The following CASZ1 variants were observed in gnomAD, a reference collection of about 807,000 sequenced individuals.
The protein encoded by CASZ1 is castor zinc finger 1.
In CASZ1, 28 loss-of-function variants were observed where a neutral mutation model predicts 135.2. The ratio of observed to expected loss-of-function variants is 0.21; its 90% CI spans 0.15 to 0.28. The LOEUF (loss-of-function observed/expected upper bound fraction) is 0.28, where lower values mean the gene tolerates loss of function less well. Among genes scored for constraint, CASZ1 ranks in the 10% least tolerant of loss-of-function variants. The pLI, the probability that CASZ1 is intolerant of heterozygous loss-of-function variation, is 1.00. For missense variants in CASZ1, 2,161 were observed against 2,453.3 expected, an observed-to-expected ratio of 0.88 and a Z score of 2.52; for synonymous variants, 1,068 against 1,073.4, an observed-to-expected ratio of 0.99 and a Z score of 0.10.
Position 10,694,029 on chromosome 1 carries a change from G to A in CASZ1, c.-23-117C>T, listed in dbSNP as rs1159464854. On this transcript the variant is annotated intron_variant, in intron 3 of 20. Transcript: ENST00000377022. This position sits in a 1 kb window ranked among gnomAD's most constrained non-coding sequence, Gnocchi z 6.6. ...CGCCCCGCAGGAGCGGCCCGTCCCG[G>A]GCGGGCGCCGAGGCCGCGGCGGAGA... 3 of 944,334 alleles carry A rather than the reference G, an allele frequency of 3.2e-6. No individual in the cohort carries two copies. The highest frequency in any genetic ancestry group is 3.3e-5 in the South Asian group (2 of 60,246). The allele number at this position is 944,334 out of a possible 1,614,324, so 58.5% of individuals were successfully genotyped here. A position where few individuals can be genotyped will look rare whatever the true frequency, so the allele number is the denominator to read the frequency against.
chr1:10,764,985 G>A (rs1640447197), intron 1 of CASZ1, among the ~76,000 whole-genome samples: 1 of 152,218 alleles, frequency 6.6e-6, no homozygotes, highest in Non-Finnish European at 1.5e-5. Context: ...AGGAGGTCCT[G>A]TTGGGACAGG....
chr1:10,758,247 C>T (rs1486520975), intron 2 of CASZ1, among the ~76,000 whole-genome samples: 1 of 151,730 alleles, frequency 6.6e-6, no homozygotes, highest in African/African-American at 2.4e-5. Context: ...GCCTACCAGA[C>T]TCCATGAGAA....
chr1:10,639,243 CGCGGCCCGGGGGCGGCGGCGTCGG>C lies in CASZ1; in HGVS notation c.4955_4978del (p.Pro1652_Pro1659del), dbSNP rs1642111813. 2 of 927,234 alleles carry C rather than the reference CGCGGCCCGGGGGCGGCGGCGTCGG, an allele frequency of 2.2e-6. No homozygotes were observed. The highest frequency in any genetic ancestry group is 2.6e-6 in the Non-Finnish European group (2 of 778,334). The allele number at this position is 927,234 out of a possible 1,614,324, so 57.4% of individuals were successfully genotyped here. ...GGCGGCGGCGGCGGCGGCGCCCTCG[CGCGGCCCGGGGGCGGCGGCGTCGG>C]GCGGGCCGGGGTCGCCCGCGTCGCC... On this transcript the variant is annotated inframe_deletion, in exon 21 of 21. Coordinates refer to ENST00000377022, the MANE Select transcript of CASZ1 (RefSeq NM_001079843.3). This position sits in a 1 kb window ranked among gnomAD's most constrained non-coding sequence, Gnocchi z 4.0.
chr1:10,740,939 C>A (rs1280861061), intron 2 of CASZ1, among the ~76,000 whole-genome samples: 1 of 121,458 alleles, frequency 8.2e-6, no homozygotes, highest in Non-Finnish European at 1.6e-5. Context: ...GCCTGGGCGA[C>A]AGGGTGAGAC....
rs376403206 is a variant in CASZ1, at chr1:10,707,588, C to T, written c.-76-2044G>A. ...GTACGTACAGGGACCAGGACATGCA[C>T]GGGGTCCTGTACCCCACCTGCCCAG... is the stretch of plus-strand genomic sequence containing the variant. On this transcript the variant is annotated intron_variant, in intron 2 of 20. Coordinates refer to ENST00000377022, the MANE Select transcript of CASZ1 (RefSeq NM_001079843.3). The surrounding 1 kb of genome is among the most constrained non-coding windows in gnomAD (Gnocchi z 5.0). Among the ~76,000 whole-genome samples the T allele has an allele frequency of 1.0e-3, 153 of 152,174 alleles. No homozygotes were observed. The highest frequency in any genetic ancestry group is 3.5e-3 in the African/African-American group (144 of 41,512).
rs1267067353 is a variant in CASZ1, at chr1:10,646,599, C to G, written c.3498-273G>C. On this transcript the variant is annotated intron_variant, in intron 16 of 20. Transcript: ENST00000377022. This position sits in a 1 kb window ranked among gnomAD's most constrained non-coding sequence, Gnocchi z 6.4. The stretch of plus-strand genomic sequence containing the variant: ...ATTGCATGCTGGGACAAGTAGTTTC[C>G]ATGGCCACACCTCAGGATTATAGAT... Among the ~76,000 whole-genome samples the G allele has an allele frequency of 1.3e-5, 2 of 152,228 alleles. No homozygotes were observed. The highest frequency in any genetic ancestry group is 3.8e-4 in the East Asian group (2 of 5,198).
At chr1:10,664,736 G>A (rs1643170178) in intron 5 of CASZ1, among the ~76,000 whole-genome samples, 1 of 152,098 alleles carries the variant, frequency 6.6e-6, no homozygotes, top group Non-Finnish European at 1.5e-5. Flanking sequence ...TCACAGGTGT[G>A]TGTAAAGAGT....
In CASZ1 at chr1:10,666,816, C is replaced by T. The variant is rs1643252360; in HGVS notation, c.17-1245G>A. Among the ~76,000 whole-genome samples the T allele has an allele frequency of 6.6e-6, 1 of 152,252 alleles. No individual in the cohort carries two copies. The highest frequency in any genetic ancestry group is 2.4e-5 in the African/African-American group (1 of 41,462). On this transcript the variant is annotated intron_variant, in intron 4 of 20. Transcript: ENST00000377022. This position sits in a 1 kb window ranked among gnomAD's most constrained non-coding sequence, Gnocchi z 5.2. ...ACACACGCACACACACGCGTGCACA[C>T]ACAGCGCAGCCACATGGAACTGTCT...
chr1:10,779,174 C>T (rs1465807420), intron 1 of CASZ1, among the ~76,000 whole-genome samples: 1 of 152,076 alleles, frequency 6.6e-6, no homozygotes, highest in African/African-American at 2.4e-5. Flanking sequence ...TCTGTCTCCC[C>T]CCCAGCCCCA....
chr1:10,680,740 T>C (rs933094817), intron 4 of CASZ1, among the ~76,000 whole-genome samples: 2 of 152,108 alleles, frequency 1.3e-5, no homozygotes, highest in Non-Finnish European at 2.9e-5. Context: ...TCCATGCAGG[T>C]CTGAAGCCTC....
In CASZ1 at chr1:10,699,818, G is replaced by A. The variant is rs759157929; in HGVS notation, c.-24+5674C>T. On this transcript the variant is annotated intron_variant, in intron 3 of 20. Transcript: ENST00000377022. This position sits in a 1 kb window ranked among gnomAD's most constrained non-coding sequence, Gnocchi z 4.6. ...GGTTTCTCTTATCAGAAGCAGCGAC[G>A]GTTTCACATTAATTTCCCAGTTTTT... is the stretch of plus-strand genomic sequence containing the variant. Among the ~76,000 whole-genome samples, 21 of 151,962 alleles carry A rather than the reference G, an allele frequency of 1.4e-4. No homozygotes were observed. The highest frequency in any genetic ancestry group is 2.8e-4 in the Non-Finnish European group (19 of 68,000).
At chr1:10,682,297 G>A (rs1638450998) in intron 4 of CASZ1, among the ~76,000 whole-genome samples, 1 of 152,154 alleles carries the variant, frequency 6.6e-6, no homozygotes, top group African/African-American at 2.4e-5. Context: ...GCCGGGACGG[G>A]GAGAAGGGGC....
chr1:10,671,886 C>T (rs1643411564), intron 4 of CASZ1, among the ~76,000 whole-genome samples: 1 of 152,232 alleles, frequency 6.6e-6, no homozygotes, highest in South Asian at 2.1e-4. Flanking sequence ...AAACACCCTG[C>T]CTTTTCACGG....
Position 10,756,260 on chromosome 1 carries a change from C to G in CASZ1, c.-77+4441G>C, listed in dbSNP as rs900553421. 6.6e-5 allele frequency among the ~76,000 whole-genome samples: 10 copies of G among 152,100 alleles called. No individual in the cohort carries two copies. The highest frequency in any genetic ancestry group is 1.2e-4 in the Non-Finnish European group (8 of 68,004). ...AGAGCCTCCTTACAGGGCCAGGCTG[C>G]TGTGCCACACATTGCTTCCCACTTG... On this transcript the variant is annotated intron_variant, in intron 2 of 20. Transcript: ENST00000377022. The surrounding 1 kb of genome is among the most constrained non-coding windows in gnomAD (Gnocchi z 5.9).
At chr1:10,674,458 C>T (rs913667719) in intron 4 of CASZ1, among the ~76,000 whole-genome samples, 13 of 152,194 alleles carry the variant, frequency 8.5e-5, no homozygotes, top group African/African-American at 2.9e-4. Context: ...CTGAGGCCAC[C>T]GTGGGGCACC....
chr1:10,673,865 G>A (rs909781916), intron 4 of CASZ1, among the ~76,000 whole-genome samples: 6 of 152,150 alleles, frequency 3.9e-5, no homozygotes, highest in East Asian at 3.9e-4. Context: ...TCCATGCCTC[G>A]GGCTGAGGCC....
chr1:10,792,327 G>A (rs7520637), intron 1 of CASZ1, among the ~76,000 whole-genome samples: 2 of 25,994 alleles, frequency 7.7e-5, no homozygotes, highest in African/African-American at 3.5e-4. Context: ...CCTCCCCCCC[G>A]CCCCCCCCCC....
rs1029693879 is a variant in CASZ1 at position 10,660,671 on chromosome 1, G to A, written c.506-135C>T. 7.1e-5 allele frequency: 45 copies of A among 630,394 alleles called. 1 individual carries two copies. The highest frequency in any genetic ancestry group is 3.9e-4 in the African/African-American group (21 of 54,320). 39.1% of individuals were successfully genotyped at this position (630,394 alleles called of 1,614,324 possible). A position where few individuals can be genotyped will look rare whatever the true frequency, so the allele number is the denominator to read the frequency against. On this transcript the variant is annotated intron_variant, in intron 5 of 20. Transcript: ENST00000377022. Reference sequence around the variant, plus strand: ...GCGGAGCAGGACACGATCTATGGACGTTTGGCTCACTTGTTAGGTTTTACG... The same window carrying A: ...GCGGAGCAGGACACGATCTATGGACATTTGGCTCACTTGTTAGGTTTTACG...
intron 1 of CASZ1, among the ~76,000 whole-genome samples, chr1:10,781,157 G>A (rs911746706): frequency 3.3e-5 from 5 of 152,222 alleles, no homozygotes; most frequent in Non-Finnish European, 7.3e-5. Context: ...GACTTGCCTG[G>A]AGGGCGAGGA....
Sources: gnomAD v4.1 joint callset for allele counts (sites outside exome capture counted in the v4.1 genomes callset) on GRCh38, gnomAD v4.1.1 for gene constraint, Gnocchi (gnomAD v3.1) non-coding constraint, MANE v1.5 for transcripts, NCBI Gene and HGNC (gene_info 2026-07-23, HGNC 2026-07-21) for gene names.